Variants in VPS41 observed in about 807,000 individuals in gnomAD.
VPS41 encodes the protein vacuolar protein sorting-associated protein 41 homolog.
In VPS41, 85 loss-of-function variants were observed where a neutral mutation model predicts 130.9. That is an observed-to-expected ratio of 0.65 (90% confidence interval 0.55 to 0.78). The LOEUF (loss-of-function observed/expected upper bound fraction) is 0.78, where lower values mean the gene tolerates loss of function less well. VPS41 is among the 30% of genes least tolerant of loss of function. VPS41 has a pLI of 0.00. For synonymous variants in VPS41, 335 were observed against 332.9 expected, an observed-to-expected ratio of 1.01 and a Z score of -0.07; for missense variants, 874 against 1,018.7, an observed-to-expected ratio of 0.86 and a Z score of 1.93.
chr7:38,762,010 T>C (rs2115769792), intron 17 of VPS41, among the ~76,000 whole-genome samples: 1 of 152,278 alleles, frequency 6.6e-6, no homozygotes, highest in African/African-American at 2.4e-5. Flanking sequence ...TTTGGCCTCA[T>C]TTTTTCTTTT....
intron 1 of VPS41, among the ~76,000 whole-genome samples, chr7:38,901,794 G>T (rs1787151739): frequency 6.6e-6 from 1 of 152,194 alleles, no homozygotes; most frequent in South Asian, 2.1e-4. Context: ...CACTTTGGGA[G>T]GCTAAGGCAA....
At chr7:38,768,087 T>C (rs973617973) in intron 14 of VPS41, among the ~76,000 whole-genome samples, 1 of 152,168 alleles carries the variant, frequency 6.6e-6, no homozygotes, top group Non-Finnish European at 1.5e-5. Flanking sequence ...TGATATGAGC[T>C]CAGAAAAACC....
At chr7:38,808,964 C>T (rs1244940928) in intron 7 of VPS41, among the ~76,000 whole-genome samples, 1 of 152,126 alleles carries the variant, frequency 6.6e-6, no homozygotes, top group East Asian at 1.9e-4. Flanking sequence ...ACTTTCAGTT[C>T]TAAGATGAAT....
At chr7:38,870,960 A>T (rs896885493) in intron 2 of VPS41, among the ~76,000 whole-genome samples, 3 of 151,988 alleles carry the variant, frequency 2.0e-5, no homozygotes, top group Non-Finnish European at 4.4e-5. Context: ...AAATATCCAA[A>T]GGGAACTCCA....
intron 25 of VPS41, 107 bp from the exon 26 acceptor site, chr7:38,728,898 A>C (rs1192158385): frequency 2.1e-6 from 2 of 958,856 alleles, no homozygotes; most frequent in African/African-American, 3.3e-5. Context: ...TGAAATACTC[A>C]AAAGGGGCAC....
chr7:38,739,193 C>T (rs896127329), intron 25 of VPS41, among the ~76,000 whole-genome samples: 1 of 152,126 alleles, frequency 6.6e-6, no homozygotes. Flanking sequence ...GACCATAGAT[C>T]CCTACATTAC....
intron 23 of VPS41, among the ~76,000 whole-genome samples, chr7:38,744,144 T>C (rs1352970018): frequency 6.6e-6 from 1 of 152,228 alleles, no homozygotes; most frequent in Non-Finnish European, 1.5e-5. Flanking sequence ...CCTCATGAGA[T>C]GAAAGTATTT....
At chr7:38,758,320 T>G (rs759156166) in intron 18 of VPS41, 34 bp downstream of exon 18, 1 of 1,576,534 alleles carries the variant, frequency 6.3e-7, no homozygotes, top group Admixed American at 1.9e-5. Flanking sequence ...CAACACAGAC[T>G]GATATGGAAA....
chr7:38,767,965 C>T (rs1029225460), intron 14 of VPS41, among the ~76,000 whole-genome samples: 2 of 152,068 alleles, frequency 1.3e-5, no homozygotes, highest in African/African-American at 2.4e-5. Flanking sequence ...TTTCCTGTGC[C>T]TTCATCTGTA....
intron 22 of VPS41, 53 bp downstream of exon 22, chr7:38,752,123 T>C: frequency 6.2e-7 from 1 of 1,607,926 alleles, no homozygotes; most frequent in Non-Finnish European, 8.5e-7. Context: ...CAACTTACCA[T>C]CAATGACAAC....
intron 20 of VPS41, 45 bp from the exon 21 acceptor site, chr7:38,754,797 AAGAC>A: frequency 6.3e-7 from 1 of 1,594,832 alleles, no homozygotes; most frequent in Non-Finnish European, 8.6e-7. Flanking sequence ...TGAGGACAGA[AAGAC>A]AGCTACAAAA....
intron 7 of VPS41, among the ~76,000 whole-genome samples, chr7:38,811,898 T>G (rs1225363699): frequency 6.6e-6 from 1 of 152,100 alleles, no homozygotes; most frequent in Non-Finnish European, 1.5e-5. Context: ...AATTTTTCAC[T>G]TTCAGTCTTC....
chr7:38,813,217 CACA>C (rs1367052670), intron 7 of VPS41, among the ~76,000 whole-genome samples: 1 of 152,012 alleles, frequency 6.6e-6, no homozygotes, highest in Non-Finnish European at 1.5e-5. Flanking sequence ...GGATACATGC[CACA>C]ACATTGATGT....
rs770219398 is a variant in VPS41 at position 38,887,242 on chromosome 7, G to GTA, written c.60+10848_60+10849insTA. 3.3e-5 allele frequency among the ~76,000 whole-genome samples: 5 copies of GTA among 152,280 alleles called. No homozygotes were observed. In the East Asian group the frequency reaches 7.7e-4, roughly 23 times the overall value. ...TAACTAACTTCTCCAAACTAAAGCA[G>GTA]CACGTTCTAACCCATCACGAGGAAG... On this transcript the variant is annotated intron_variant, in intron 2 of 28. Coordinates refer to ENST00000310301, the MANE Select transcript of VPS41 (RefSeq NM_014396.4).
At chr7:38,786,722 C>A (rs1382271757) in intron 10 of VPS41, among the ~76,000 whole-genome samples, 2 of 151,902 alleles carry the variant, frequency 1.3e-5, no homozygotes, top group Non-Finnish European at 1.5e-5. Context: ...AACAGAAAAC[C>A]ATACATACCT....
chr7:38,765,492 A>T, intron 16 of VPS41, 88 bp downstream of exon 16: 1 of 877,988 alleles, frequency 1.1e-6, no homozygotes, highest in Non-Finnish European at 1.7e-6. Context: ...CGTCCTAAAA[A>T]AGAGCTGAGT....
intron 4 of VPS41, among the ~76,000 whole-genome samples, chr7:38,862,011 T>A (rs1786124131): frequency 6.6e-6 from 1 of 152,188 alleles, no homozygotes; most frequent in Non-Finnish European, 1.5e-5. Context: ...TCAATTACAT[T>A]TGGCATCTCA....
intron 1 of VPS41, among the ~76,000 whole-genome samples, chr7:38,898,538 T>C (rs1038146831): frequency 1.3e-5 from 2 of 152,260 alleles, no homozygotes; most frequent in Non-Finnish European, 1.5e-5. Context: ...ATTATCATGC[T>C]ATTAATCTGG....
At chr7:38,897,194 CAAAAAAA>C (rs60717646) in intron 2 of VPS41, among the ~76,000 whole-genome samples, 5 of 116,144 alleles carry the variant, frequency 4.3e-5, no homozygotes, top group African/African-American at 1.7e-4. Context: ...AACTCTGTCT[CAAAAAAA>C]AAAAAAAAAA....
Sources: allele counts gnomAD v4.1 joint callset (sites outside exome capture counted in the v4.1 genomes callset), GRCh38; gene constraint gnomAD v4.1.1; transcripts MANE v1.5; gene names NCBI Gene and HGNC (gene_info 2026-07-23, HGNC 2026-07-21).